Variants in TTC34 observed in about 807,000 individuals in gnomAD.
TTC34 encodes the protein tetratricopeptide repeat domain 34.
TTC34 carries 44 observed loss-of-function variants against 40.7 expected under a neutral mutation model. The observed-to-expected ratio is 1.08, with a 90% CI of 0.85 to 1.39. TTC34 has a LOEUF of 1.39. Ranked by LOEUF, TTC34 falls within the 40% of genes most tolerant of loss-of-function variation. The pLI is 0.00. For synonymous variants in TTC34, 422 were observed against 398.6 expected (o/e 1.06, Z -0.70); for missense variants, 884 against 838.0 (o/e 1.05, Z -0.68).
intron 6 of TTC34, among the ~76,000 whole-genome samples, chr1:2,768,152 A>T (rs1162448696): frequency 6.6e-6 from 1 of 151,280 alleles, no homozygotes; most frequent in Non-Finnish European, 1.5e-5. Context: ...GAAAGCCTGG[A>T]TCAACACTCG....
Position 2,645,566 on chromosome 1 carries a change from G to A in TTC34, c.2227-3C>T. On this transcript the variant is annotated splice_region_variant and splice_polypyrimidine_tract_variant and intron_variant, in intron 6 of 8. Coordinates refer to ENST00000401095, the Ensembl canonical transcript of TTC34. The surrounding 1 kb of genome is among the most constrained non-coding windows in gnomAD (Gnocchi z 4.7). ...GAGACGATGTCGTCCACGGCTTCCT[G>A]CAAGGAGGGAGGGCGGGCGGGTGCA... 2.7e-6 allele frequency: 1 copy of A among 372,878 alleles called. No individual in the cohort carries two copies. The highest frequency in any genetic ancestry group is 3.8e-6 in the Non-Finnish European group (1 of 265,092). The allele number at this position is 372,878 out of a possible 1,614,324, so 23.1% of individuals were successfully genotyped here. A position where few individuals can be genotyped will look rare whatever the true frequency, so the allele number is the denominator to read the frequency against.
Position 2,641,603 on chromosome 1 carries a change from TG to T in TTC34, c.3004del (p.Gln1002ArgfsTer3), listed in dbSNP as rs1557577488. 6.5e-6 allele frequency: 10 copies of T among 1,534,050 alleles called. No individual in the cohort carries two copies. Among genetic ancestry groups the T allele is most frequent in the Non-Finnish European group, 7.0e-6 (8 of 1,146,050 alleles). On this transcript the variant is annotated frameshift_variant, in exon 9 of 9. Transcript: ENST00000401095. LOFTEE classifies it low-confidence loss of function (END_TRUNC). ...CAAGGAGGGCGCCAGCTTCAGGGCCTGGGCAAAGGCCCCTGCGGCCGCCGCC... is the reference window on the plus strand; with the variant it reads ...CAAGGAGGGCGCCAGCTTCAGGGCCTGGCAAAGGCCCCTGCGGCCGCCGCC...
At chr1:2,750,522 CAT>C (rs1641281095) in intron 6 of TTC34, among the ~76,000 whole-genome samples, 1 of 126,470 alleles carries the variant, frequency 7.9e-6, no homozygotes. Flanking sequence ...TCAGCACCCA[CAT>C]CCCCAAGCGA....
chr1:2,753,255 C>G (rs1641386089), intron 6 of TTC34, among the ~76,000 whole-genome samples: 1 of 112,476 alleles, frequency 8.9e-6, no homozygotes, highest in Non-Finnish European at 1.8e-5. Flanking sequence ...AGCACCCACA[C>G]CCCAGGTGAG....
intron 6 of TTC34, among the ~76,000 whole-genome samples, chr1:2,699,296 G>GGCGAGCATCTGACC: frequency 6.8e-6 from 1 of 148,030 alleles, no homozygotes; most frequent in Non-Finnish European, 1.5e-5. Flanking sequence ...CACACCCCCA[G>GGCGAGCATCTGACC]GCGAGCATCT....
chr1:2,794,746 T>A (rs1435320402), intron 2 of TTC34, among the ~76,000 whole-genome samples: 3 of 152,190 alleles, frequency 2.0e-5, no homozygotes, highest in Admixed American at 6.5e-5. Context: ...GGGATAGATA[T>A]TATCTTTTTC....
chr1:2,686,795 A>T (rs1570815518), intron 6 of TTC34, among the ~76,000 whole-genome samples: 2 of 123,246 alleles, frequency 1.6e-5, no homozygotes, highest in African/African-American at 3.5e-5. Flanking sequence ...CTGGATCAGC[A>T]CCCACACCCC....
At chr1:2,691,583 G>T (rs1420710410) in intron 6 of TTC34, among the ~76,000 whole-genome samples, 1 of 76,496 alleles carries the variant, frequency 1.3e-5, no homozygotes, top group African/African-American at 4.4e-5. Flanking sequence ...GCACCCACAT[G>T]CCCAGGTGAG....
At chr1:2,748,498 ATAGCCTGGAG>A (rs1641218796) in intron 6 of TTC34, among the ~76,000 whole-genome samples, 1 of 138,966 alleles carries the variant, frequency 7.2e-6, no homozygotes, top group African/African-American at 2.6e-5. Flanking sequence ...TGAGCATCCG[ATAGCCTGGAG>A]CAGCACCCAC....
At chr1:2,750,486 C>T (rs1641280111) in intron 6 of TTC34, among the ~76,000 whole-genome samples, 1 of 142,746 alleles carries the variant, frequency 7.0e-6, no homozygotes, top group African/African-American at 2.7e-5. Flanking sequence ...CACCCACACC[C>T]CCAGTTGAGC....
At chr1:2,755,804 G>C (rs1465149630) in intron 6 of TTC34, among the ~76,000 whole-genome samples, 11 of 81,098 alleles carry the variant, frequency 1.4e-4, no homozygotes, top group East Asian at 1.0e-3. Flanking sequence ...GCATCTGATG[G>C]TCTGGAGCAG....
At chr1:2,659,702 C>CCACACCCCCAGGGGAGCATCTGACCG (rs1639470309) in intron 6 of TTC34, among the ~76,000 whole-genome samples, 1 of 151,070 alleles carries the variant, frequency 6.6e-6, no homozygotes, top group Non-Finnish European at 1.5e-5. Flanking sequence ...GGAGCAGCAC[C>CCACACCCCCAGGGGAGCATCTGACCG]CACACCCCCA....
chr1:2,789,418 T>G (rs1211615489), intron 3 of TTC34, 85 bp downstream of exon 3: 11 of 1,333,050 alleles, frequency 8.3e-6, no homozygotes, highest in Non-Finnish European at 1.1e-5. Flanking sequence ...CATTCCTTTG[T>G]AAAATAGGAG....
intron 6 of TTC34, among the ~76,000 whole-genome samples, chr1:2,695,098 GGAACAGCACCCA>G (rs1640801259): frequency 7.7e-6 from 1 of 129,830 alleles, no homozygotes; most frequent in African/African-American, 2.7e-5. Flanking sequence ...CTGACAACCT[GGAACAGCACCCA>G]TACGCCAAGA....
chr1:2,694,300 GCACCCACACCCCCTGAT>G (rs1640763148), intron 6 of TTC34, among the ~76,000 whole-genome samples: 1 of 107,916 alleles, frequency 9.3e-6, no homozygotes, highest in Non-Finnish European at 1.9e-5. Flanking sequence ...GCCTGGAGCA[GCACCCACACCCCCTGAT>G]GAGCATCTGA....
intron 8 of TTC34, among the ~76,000 whole-genome samples, chr1:2,643,178 G>A (rs1241917387): frequency 6.6e-6 from 1 of 152,186 alleles, no homozygotes; most frequent in East Asian, 1.9e-4. Flanking sequence ...ACTCCCCTGA[G>A]CCCGCGGCTC....
chr1:2,800,072 C>A (rs1174767501), exon 2 of TTC34: 1 of 398,394 alleles, frequency 2.5e-6, no homozygotes, highest in African/African-American at 2.1e-5. Flanking sequence ...TGGGATGGGC[C>A]TCGAGGGCCC....
At chr1:2,684,874 A>T in intron 6 of TTC34, among the ~76,000 whole-genome samples, 1 of 112,196 alleles carries the variant, frequency 8.9e-6, no homozygotes, top group Non-Finnish European at 1.7e-5. Flanking sequence ...AGCAGCACCC[A>T]CACCCCAGGT....
At chr1:2,751,512 G>A (rs1397244373) in intron 6 of TTC34, among the ~76,000 whole-genome samples, 1 of 76,964 alleles carries the variant, frequency 1.3e-5, no homozygotes. Flanking sequence ...TGACAGCCTT[G>A]AACAGCACCC....
Sources: allele counts gnomAD v4.1 joint callset (sites outside exome capture counted in the v4.1 genomes callset), GRCh38; gene constraint gnomAD v4.1.1; non-coding constraint Gnocchi (gnomAD v3.1); transcripts MANE v1.5; gene names NCBI Gene and HGNC (gene_info 2026-07-23, HGNC 2026-07-21).